MUC6: variants seen among roughly 807,000 people sequenced by gnomAD.
MUC6 encodes mucin-6.
MUC6 carries 188 observed loss-of-function variants against 201.5 expected under a neutral mutation model. The ratio of observed to expected loss-of-function variants is 0.93; its 90% CI spans 0.83 to 1.05. The LOEUF (loss-of-function observed/expected upper bound fraction) is 1.05, where lower values mean the gene tolerates loss of function less well. Among genes scored for constraint, MUC6 ranks in the 50% least tolerant of loss-of-function variants. The pLI, the probability that MUC6 is intolerant of heterozygous loss-of-function variation, is 0.00. For missense variants in MUC6, 2,706 were observed against 3,256.9 expected (o/e 0.83, Z 4.12); for synonymous variants, 1,228 against 1,389.4 (o/e 0.88, Z 2.58).
intron 2 of MUC6, among the ~76,000 whole-genome samples, chr11:1,032,472 G>A (rs1442498239): frequency 1.3e-5 from 2 of 151,206 alleles, no homozygotes; most frequent in African/African-American, 4.9e-5. Context: ...GTGTGAGCTG[G>A]GCATGTGTGT....
chr11:1,034,123 C>A (rs991754310), intron 1 of MUC6, among the ~76,000 whole-genome samples: 1 of 152,186 alleles, frequency 6.6e-6, no homozygotes, highest in African/African-American at 2.4e-5. Flanking sequence ...TGGTGTTAAC[C>A]GCGGTCCAGG....
At chr11:1,030,064 C>G (rs1857063942) in intron 8 of MUC6, 149 bp downstream of exon 8, 2 of 1,089,476 alleles carry the variant, frequency 1.8e-6, no homozygotes, top group South Asian at 3.4e-5. Context: ...CGGGAAAAGC[C>G]TGTCCCAGGG....
chr11:1,013,757 C>T (rs1291724562), intron 32 of MUC6, 124 bp from the exon 33 acceptor site: 1 of 1,399,716 alleles, frequency 7.1e-7, no homozygotes, highest in Admixed American at 2.0e-5. Flanking sequence ...TCACAGGGGC[C>T]AGGGCGGTGT....
chr11:1,023,794 TG>T (rs1856882411), intron 25 of MUC6, 142 bp from the exon 26 acceptor site: 2 of 1,441,796 alleles, frequency 1.4e-6, no homozygotes, highest in Admixed American at 4.5e-5. Flanking sequence ...CCTGGGCAGC[TG>T]GGGGCTGCGG....
At chr11:1,034,395 C>T (rs561015024) in intron 1 of MUC6, among the ~76,000 whole-genome samples, 4 of 152,342 alleles carry the variant, frequency 2.6e-5, no homozygotes, top group African/African-American at 7.2e-5. Flanking sequence ...CACCTACCCC[C>T]TCACTCATCC....
At chr11:1,024,455 C>T (rs1348127303) in intron 24 of MUC6, among the ~76,000 whole-genome samples, 3 of 152,204 alleles carry the variant, frequency 2.0e-5, no homozygotes, top group African/African-American at 7.2e-5. Context: ...GTGCCCCCAT[C>T]CTCTCAGTTC....
chr11:1,031,991 CGTG>C lies in MUC6; in HGVS notation c.175_177del (p.His59del), dbSNP rs1564845505. ...TTGCACGTCCCCGAGAAGTCGTACACGTGGTGGTCGAAGGTGGAGAAGTGACCA... is the reference window on the plus strand; with the variant it reads ...TTGCACGTCCCCGAGAAGTCGTACACGTGGTCGAAGGTGGAGAAGTGACCA... On this transcript the variant is annotated inframe_deletion, in exon 3 of 33. Transcript: ENST00000421673. 9.9e-6 allele frequency: 16 copies of C among 1,613,634 alleles called. No individual in the cohort carries two copies. Among genetic ancestry groups the C allele is most frequent in the Non-Finnish European group, 1.1e-5 (13 of 1,179,894 alleles).
intron 19 of MUC6, among the ~76,000 whole-genome samples, 173 bp from the exon 20 acceptor site, chr11:1,026,651 A>C (rs1001341852): frequency 3.3e-5 from 5 of 152,040 alleles, no homozygotes; most frequent in Non-Finnish European, 5.9e-5. Flanking sequence ...AGCTTCCCCC[A>C]CCTCGTGGAA....
In MUC6 at chr11:1,016,718, G is replaced by A. The variant is rs746866220; in HGVS notation, c.6083C>T (p.Thr2028Ile). ...GGCAGAAGTGGCCATCTGTGTGTGG[G>A]TAGTGATGATGACTGTGTGAGTACT... is the stretch of plus-strand genomic sequence containing the variant. ...TPSTHTVIIT[T>I]HTQMATSASI... is the part of the protein sequence containing the mutation. Residue 2028 changes from threonine (T) to isoleucine (I), a missense_variant, in exon 31 of 33, where the codon ACC becomes ATC. By Grantham distance (89) the Thr-to-Ile change is moderately conservative. This residue lies in a region of MUC6 where 20 missense variants were observed against 43.3 expected (regional missense o/e 0.46). Coordinates refer to ENST00000421673, the MANE Select transcript of MUC6 (RefSeq NM_005961.3). 1 of 1,613,438 alleles carries A rather than the reference G, an allele frequency of 6.2e-7. No homozygotes were observed. The highest frequency in any genetic ancestry group is 1.1e-5 in the South Asian group (1 of 91,084).
In MUC6 at chr11:1,013,235, C is replaced by G; in HGVS notation, c.*221G>C. On this transcript the variant is annotated 3_prime_UTR_variant, in exon 33 of 33. Coordinates refer to ENST00000421673, the MANE Select transcript of MUC6 (RefSeq NM_005961.3). ...CCGTGACCACTGTCCGCCTCAGTCC[C>G]TCTCTGCTGGCTCAGGGTCTGCAGG... is the stretch of plus-strand genomic sequence containing the variant. 1.7e-6 allele frequency: 1 copy of G among 579,288 alleles called. No individual in the cohort carries two copies. Among genetic ancestry groups the G allele is most frequent in the Non-Finnish European group, 3.0e-6 (1 of 329,876 alleles). 35.9% of individuals were successfully genotyped at this position (579,288 alleles called of 1,614,324 possible).
At chr11:1,032,081 C>T (rs1564845573) in intron 2 of MUC6, 28 bp from the exon 3 acceptor site, 2 of 1,606,984 alleles carry the variant, frequency 1.2e-6, no homozygotes, top group Non-Finnish European at 8.5e-7. Flanking sequence ...CTCACACAGC[C>T]CTGTGTCCCC....
intron 22 of MUC6, 91 bp from the exon 23 acceptor site, chr11:1,025,458 C>T: frequency 6.9e-7 from 1 of 1,443,952 alleles, no homozygotes; most frequent in Non-Finnish European, 9.4e-7. Flanking sequence ...GACAGAGCTG[C>T]CCAGGTCTGT....
At position 1,030,986 on chromosome 11, in the gene MUC6, G is replaced by C; in HGVS notation, c.645C>G (p.Phe215Leu). 6.3e-7 allele frequency: 1 copy of C among 1,586,508 alleles called. No homozygotes were observed. The highest frequency in any genetic ancestry group is 8.6e-7 in the Non-Finnish European group (1 of 1,167,450). Residue 215 changes from phenylalanine (F) to leucine (L), a missense_variant, in exon 6 of 33, where the codon TTC becomes TTG. Phe to Leu is a conservative substitution (Grantham distance 22). Around this residue, in one of 10 missense-constraint regions of MUC6, gnomAD observed 1,850 missense variants for 1,958.3 expected, o/e 0.94. Transcript: ENST00000421673. Reference protein sequence around the residue: ...KLDDPGEICTFQDIPSTHVRQ... With the variant: ...KLDDPGEICTLQDIPSTHVRQ... Reference sequence around the variant, plus strand: ...GGACGTGGGTGCTGGGGATGTCCTGGAAGGTGCAGATCTCGCCGGGGTCGT... The same window carrying C: ...GGACGTGGGTGCTGGGGATGTCCTGCAAGGTGCAGATCTCGCCGGGGTCGT...
chr11:1,034,840 C>A (rs1231219680), intron 1 of MUC6, among the ~76,000 whole-genome samples: 1 of 152,128 alleles, frequency 6.6e-6, no homozygotes, highest in Non-Finnish European at 1.5e-5. Context: ...CCCTGCGCCC[C>A]CCGCCGCCCT....
chr11:1,030,365 G>GCCCCCCCCCCCCCC, intron 7 of MUC6, 30 bp from the exon 8 acceptor site: 1 of 1,538,744 alleles, frequency 6.5e-7, no homozygotes, highest in Non-Finnish European at 8.8e-7. Flanking sequence ...CGGTGAGAGG[G>GCCCCCCCCCCCCCC]TCCCACCCCC....
chr11:1,029,364 C>T lies in MUC6; in HGVS notation c.1139G>A (p.Arg380Gln), dbSNP rs534807138. 85 of 1,595,734 alleles carry T rather than the reference C, an allele frequency of 5.3e-5. No homozygotes were observed. The highest frequency in any genetic ancestry group is 1.7e-4 in the Middle Eastern group (1 of 5,942). The change falls in exon 10 of 33, where the codon CGG (arginine) becomes CAG (glutamine). Residue 380 changes from arginine (R) to glutamine (Q), a missense_variant and splice_region_variant. Physicochemically the swap from Arg to Gln is conservative, Grantham distance 43. Coordinates refer to ENST00000421673, the MANE Select transcript of MUC6 (RefSeq NM_005961.3). Reference sequence around the variant, plus strand: ...GCACACCCAGCGGCCCAGGGTGCACCGGCTGTGGGTGGGCGTGGGGGTAGC... The same window carrying T: ...GCACACCCAGCGGCCCAGGGTGCACTGGCTGTGGGTGGGCGTGGGGGTAGC... ...EVTIAACQTCRCTLGRWVCTE... is the reference protein window; with the variant it reads ...EVTIAACQTCQCTLGRWVCTE...
intron 30 of MUC6, among the ~76,000 whole-genome samples, chr11:1,019,069 C>G (rs1459992010): frequency 6.6e-6 from 1 of 152,230 alleles, no homozygotes; most frequent in Non-Finnish European, 1.5e-5. Context: ...GGCCCCCACC[C>G]TCCTGCACCT....
Position 1,015,932 on chromosome 11 carries a change from G to T in MUC6, c.6869C>A (p.Ser2290Ter). 3 of 1,598,476 alleles carry T rather than the reference G, an allele frequency of 1.9e-6. No individual in the cohort carries two copies. The highest frequency in any genetic ancestry group is 2.6e-6 in the Non-Finnish European group (3 of 1,170,772). ...AGAGGTGGGGATACCCGTCACCCCC[G>T]AGGTGAGTGACACAAAGCCTGATGT... ...VPTSGFVSLT[S>*]GVTGIPTSPV... is the part of the protein sequence containing the mutation. The change falls in exon 31 of 33, where the codon TCG becomes TAG. Residue 2290 changes from serine to a stop codon, truncating the protein, a stop_gained. Coordinates refer to ENST00000421673, the MANE Select transcript of MUC6 (RefSeq NM_005961.3). LOFTEE classifies it high-confidence loss of function.
chr11:1,030,301 C>T lies in MUC6; in HGVS notation c.927G>A (p.Gln309=). 1 of 1,549,128 alleles carries T rather than the reference C, an allele frequency of 6.5e-7. No individual in the cohort carries two copies. Among genetic ancestry groups the T allele is most frequent in the African/African-American group, 1.4e-5 (1 of 73,132 alleles). ...TCTTCACGCAGGCCGAGCCGCACTCCTGGTACACCTGGTTGGCCGGGCACT... is the reference window on the plus strand; with the variant it reads ...TCTTCACGCAGGCCGAGCCGCACTCTTGGTACACCTGGTTGGCCGGGCACT... The part of the protein sequence containing the change: ...VGQCPANQVY[Q]ECGSACVKTC... The change falls in exon 8 of 33, where the codon CAG becomes CAA. Residue 309 remains glutamine, a synonymous_variant. Coordinates refer to ENST00000421673, the MANE Select transcript of MUC6 (RefSeq NM_005961.3).
Sources: gnomAD v4.1 joint callset for allele counts (sites outside exome capture counted in the v4.1 genomes callset) on GRCh38, gnomAD v4.1.1 for gene constraint, gnomAD v4.1.1 regional missense constraint, MANE v1.5 for transcripts, NCBI Gene and HGNC (gene_info 2026-07-23, HGNC 2026-07-21) for gene names.